NDNF: variants seen among roughly 807,000 people sequenced by gnomAD.
NDNF encodes neuron derived neurotrophic factor, also known as protein NDNF.
Under a neutral mutation model 42.0 loss-of-function variants are expected in NDNF, and 16 were observed. That is an observed-to-expected ratio of 0.38 (90% CI 0.26 to 0.58). The LOEUF (loss-of-function observed/expected upper bound fraction) is 0.58. Among genes scored for constraint, NDNF ranks in the 20% least tolerant of loss-of-function variants. The pLI is 0.67. For synonymous variants in NDNF, 248 were observed against 251.7 expected, an observed-to-expected ratio of 0.99 and a Z score of 0.14; for missense variants, 616 against 666.2, an observed-to-expected ratio of 0.92 and a Z score of 0.83.
In NDNF at chr4:121,045,801, A is replaced by G; in HGVS notation, c.37T>C (p.Phe13Leu). The G allele has an allele frequency of 6.2e-7, 1 of 1,614,166 alleles. No individual in the cohort carries two copies. Among genetic ancestry groups the G allele is most frequent in the Non-Finnish European group, 8.5e-7 (1 of 1,180,026 alleles). Residue 13 changes from phenylalanine to leucine, a missense_variant, in exon 2 of 4, where the codon TTT (phenylalanine) becomes CTT (leucine). Physicochemically the swap from Phe to Leu is conservative, Grantham distance 22. Transcript: ENST00000379692. The stretch of plus-strand genomic sequence containing the variant: ...TTCTGGGTCCTTGAGCTGAGTGGAA[A>G]CAGGAGCCACAGCAGGCACCAGTGG... ...LLHWCLLWLL[F>L]PLSSRTQKLP... is the part of the protein sequence containing the mutation.
chr4:121,042,298 C>T (rs1396700589), intron 2 of NDNF, among the ~76,000 whole-genome samples: 1 of 152,182 alleles, frequency 6.6e-6, no homozygotes, highest in Non-Finnish European at 1.5e-5. Flanking sequence ...TTGTTCTAGC[C>T]TGGTTCATAC....
intron 1 of NDNF, among the ~76,000 whole-genome samples, chr4:121,058,610 C>A (rs533066636): frequency 1.3e-5 from 2 of 152,264 alleles, no homozygotes; most frequent in Admixed American, 1.3e-4. Flanking sequence ...AGTGCAGCAG[C>A]GCAATCTTTC....
At chr4:121,059,834 G>A (rs1422530946) in intron 1 of NDNF, among the ~76,000 whole-genome samples, 1 of 152,166 alleles carries the variant, frequency 6.6e-6, no homozygotes, top group East Asian at 1.9e-4. Flanking sequence ...TTTCTAACGG[G>A]CTCCCAGGAG....
At chr4:121,059,517 A>G (rs1219720975) in intron 1 of NDNF, among the ~76,000 whole-genome samples, 1 of 152,230 alleles carries the variant, frequency 6.6e-6, no homozygotes, top group African/African-American at 2.4e-5. Context: ...AGGGGACATC[A>G]CGGATATCCA....
At chr4:121,047,790 A>T (rs1727119824) in intron 1 of NDNF, among the ~76,000 whole-genome samples, 1 of 152,230 alleles carries the variant, frequency 6.6e-6, no homozygotes, top group Non-Finnish European at 1.5e-5. Context: ...GTTTAAGAAT[A>T]AGACCAGGCC....
chr4:121,072,298 G>C lies in NDNF; in HGVS notation c.-307C>G, dbSNP rs1304199812. The C allele has an allele frequency of 6.6e-6, 1 of 152,156 alleles. No homozygotes were observed. Among genetic ancestry groups the C allele is most frequent in the East Asian group, 1.9e-4 (1 of 5,170 alleles). The allele number at this position is 152,156 out of a possible 1,614,324, so 9.4% of individuals were successfully genotyped here. A position where few individuals can be genotyped will look rare whatever the true frequency, so the allele number is the denominator to read the frequency against. On this transcript the variant is annotated 5_prime_UTR_variant, in exon 1 of 4. Transcript: ENST00000379692. The stretch of plus-strand genomic sequence containing the variant: ...GGCTGGGGAATCCCGGGGCAGCGCC[G>C]AGAAGCGGCGGGAGGTCCTTTTAAA...
At chr4:121,039,493 T>A (rs1233003937) in intron 3 of NDNF, among the ~76,000 whole-genome samples, 1 of 152,014 alleles carries the variant, frequency 6.6e-6, no homozygotes, top group Non-Finnish European at 1.5e-5. Flanking sequence ...TCCCTGGAGA[T>A]CAGAGGTTCT....
chr4:121,042,426 C>A (rs1727014313), intron 2 of NDNF, among the ~76,000 whole-genome samples: 1 of 152,098 alleles, frequency 6.6e-6, no homozygotes, highest in Admixed American at 6.6e-5. Context: ...GGGCTGTGGG[C>A]AGACAAATAA....
Position 121,040,205 on chromosome 4 carries a change from C to T in NDNF, c.189-151G>A, listed in dbSNP as rs1334236742. On this transcript the variant is annotated intron_variant, in intron 2 of 3. Coordinates refer to ENST00000379692, the MANE Select transcript of NDNF (RefSeq NM_024574.4). ...AATGTCATTGTATTTTCCCTTAACA[C>T]AGTTTAATAAAATTGGCTATTTGAC... is the stretch of plus-strand genomic sequence containing the variant. 2.3e-5 allele frequency: 18 copies of T among 794,404 alleles called. No individual in the cohort carries two copies. The South Asian group carries it at 2.6e-4, about 11-fold the overall frequency. 49.2% of individuals were successfully genotyped at this position (794,404 alleles called of 1,614,324 possible). A position where few individuals can be genotyped will look rare whatever the true frequency, so the allele number is the denominator to read the frequency against.
intron 1 of NDNF, among the ~76,000 whole-genome samples, chr4:121,046,780 T>G (rs1173284942): frequency 2.0e-5 from 3 of 152,250 alleles, no homozygotes; most frequent in African/African-American, 7.2e-5. Flanking sequence ...TGCACATTGC[T>G]GTAGGGGTGT....
intron 1 of NDNF, among the ~76,000 whole-genome samples, chr4:121,051,789 T>G (rs1727199094): frequency 6.6e-6 from 1 of 152,166 alleles, no homozygotes; most frequent in Admixed American, 6.5e-5. Context: ...TCCTTAAAAA[T>G]CCACTAAATG....
intron 1 of NDNF, among the ~76,000 whole-genome samples, chr4:121,055,102 G>T (rs1487270444): frequency 6.6e-6 from 1 of 152,114 alleles, no homozygotes; most frequent in African/African-American, 2.4e-5. Context: ...CCAAAGTGCT[G>T]GGATTACAGG....
intron 1 of NDNF, among the ~76,000 whole-genome samples, chr4:121,054,283 T>C (rs1303416986): frequency 1.3e-5 from 2 of 152,222 alleles, no homozygotes; most frequent in African/African-American, 2.4e-5. Context: ...GGGCAAAATG[T>C]ACCTGCCCAG....
chr4:121,064,466 T>C (rs1005235520), intron 1 of NDNF, among the ~76,000 whole-genome samples: 1 of 152,154 alleles, frequency 6.6e-6, no homozygotes, highest in Non-Finnish European at 1.5e-5. Context: ...TAACACAATA[T>C]ACATAAAAAA....
At chr4:121,044,205 T>A (rs965363138) in intron 2 of NDNF, among the ~76,000 whole-genome samples, 5 of 152,216 alleles carry the variant, frequency 3.3e-5, no homozygotes, top group Non-Finnish European at 7.3e-5. Context: ...CAGATGGAGA[T>A]AAGACTGGGC....
chr4:121,055,755 A>G (rs942810894), intron 1 of NDNF, among the ~76,000 whole-genome samples: 4 of 152,168 alleles, frequency 2.6e-5, no homozygotes, highest in Non-Finnish European at 5.9e-5. Context: ...GGGATCCGCC[A>G]GATACATGGA....
rs1726942695 is a variant in NDNF at position 121,039,182 on chromosome 4, GTGTGTGTGTGTATATATA to G, written c.313+730_313+747del. On this transcript the variant is annotated intron_variant, in intron 3 of 3. Coordinates refer to ENST00000379692, the MANE Select transcript of NDNF (RefSeq NM_024574.4). ...GTATATATATATATAAAGACTATGT[GTGTGTGTGTGTATATATA>G]TATATATATATATATATATATATAT... Among the ~76,000 whole-genome samples the G allele has an allele frequency of 3.5e-3, 49 of 13,814 alleles. 3 individuals are homozygous for G. Among genetic ancestry groups the G allele is most frequent in the East Asian group, 0.022 (4 of 184 alleles). 9.1% of individuals were successfully genotyped at this position (13,814 alleles called of 152,430 possible).
intron 1 of NDNF, among the ~76,000 whole-genome samples, chr4:121,051,164 T>C (rs1727187675): frequency 6.6e-6 from 1 of 152,116 alleles, no homozygotes; most frequent in Admixed American, 6.5e-5. Context: ...GTAAATACTA[T>C]ACAACCCAAG....
intron 1 of NDNF, among the ~76,000 whole-genome samples, chr4:121,060,317 A>T (rs1014248705): frequency 1.3e-5 from 2 of 151,970 alleles, no homozygotes; most frequent in East Asian, 3.9e-4. Flanking sequence ...AGTAGCTGTG[A>T]CTACAGGCAC....
Sources: gnomAD v4.1 joint callset for allele counts (sites outside exome capture counted in the v4.1 genomes callset) on GRCh38, gnomAD v4.1.1 for gene constraint, MANE v1.5 for transcripts, NCBI Gene and HGNC (gene_info 2026-07-23, HGNC 2026-07-21) for gene names.